C2orf49: variants seen among roughly 807,000 people sequenced by gnomAD.
C2orf49 encodes the protein tRNA splicing ligase complex subunit 2, also known as tRNA-splicing ligase complex subunit ASW.
C2orf49 carries 11 observed loss-of-function variants against 20.6 expected under a neutral mutation model. The observed-to-expected ratio is 0.53, with a 90% CI of 0.34 to 0.88. The LOEUF is 0.88. C2orf49 is among the 40% of genes least tolerant of loss of function. The pLI, the probability that C2orf49 is intolerant of heterozygous loss-of-function variation, is 0.02. For synonymous variants in C2orf49, 134 were observed against 108.5 expected (o/e 1.24, Z -1.46); for missense variants, 289 against 274.2 (o/e 1.05, Z -0.38).
At chr2:105,374,725 C>T in the C2orf49 span, among the ~76,000 whole-genome samples, 2 of 152,190 alleles carry the variant, frequency 1.3e-5, no homozygotes, top group African/African-American at 4.8e-5. Context: ...TTAAAAATGA[C>T]ATACGGCATT....
intron 2 of C2orf49, among the ~76,000 whole-genome samples, chr2:105,341,487 G>A (rs1679668402): frequency 6.6e-6 from 1 of 152,206 alleles, no homozygotes; most frequent in Non-Finnish European, 1.5e-5. Flanking sequence ...GCTAGGACCA[G>A]GTCCATAGCA....
downstream of C2orf49, among the ~76,000 whole-genome samples, chr2:105,349,675 A>G (rs1215537204): frequency 1.3e-5 from 2 of 152,232 alleles, no homozygotes; most frequent in South Asian, 2.1e-4. Flanking sequence ...ACAGTGAACC[A>G]TGAAATAATG....
the C2orf49 span, among the ~76,000 whole-genome samples, chr2:105,373,087 A>G: frequency 2.0e-5 from 3 of 152,110 alleles, no homozygotes; most frequent in Non-Finnish European, 4.4e-5. Context: ...CTAGAACACC[A>G]ACTCTACAAG....
chr2:105,364,343 C>T, the C2orf49 span, among the ~76,000 whole-genome samples: 14 of 152,168 alleles, frequency 9.2e-5, no homozygotes, highest in Non-Finnish European at 7.3e-5. Context: ...CAGCCACTTA[C>T]GGTGAAAGAA....
At chr2:105,351,034 A>C (rs1274820277), downstream of C2orf49, among the ~76,000 whole-genome samples, 1 of 152,062 alleles carries the variant, frequency 6.6e-6, no homozygotes, top group African/African-American at 2.4e-5. Flanking sequence ...CTTGTTTTTG[A>C]TGACAGTTTT....
chr2:105,365,416 A>T, the C2orf49 span, among the ~76,000 whole-genome samples: 1 of 152,260 alleles, frequency 6.6e-6, no homozygotes, highest in African/African-American at 2.4e-5. Flanking sequence ...AAAAGCATGC[A>T]TCCCAGAAGG....
the C2orf49 span, among the ~76,000 whole-genome samples, chr2:105,356,216 C>A: frequency 1.1e-4 from 17 of 152,082 alleles, no homozygotes; most frequent in Non-Finnish European, 1.9e-4. Flanking sequence ...CGTGGTGAAA[C>A]CCTGTCTCTA....
At chr2:105,361,166 A>G in the C2orf49 span, 1 of 1,023,282 alleles carries the variant, frequency 9.8e-7, no homozygotes, top group Non-Finnish European at 1.5e-6. Context: ...ACTGAAAAGC[A>G]CTAGAAGAAA....
chr2:105,372,504 G>T, the C2orf49 span, among the ~76,000 whole-genome samples: 31 of 151,866 alleles, frequency 2.0e-4, no homozygotes, highest in African/African-American at 7.5e-4. Context: ...GGATTACAGG[G>T]GTGAGCCACC....
downstream of C2orf49, among the ~76,000 whole-genome samples, chr2:105,351,901 C>A (rs761244588): frequency 6.6e-6 from 1 of 152,156 alleles, no homozygotes; most frequent in Non-Finnish European, 1.5e-5. Context: ...ATAGATATTT[C>A]TATATGTAAC....
chr2:105,343,332 T>A (rs1679723921), intron 3 of C2orf49, 109 bp downstream of exon 3: 1 of 1,044,000 alleles, frequency 9.6e-7, no homozygotes, highest in Non-Finnish European at 1.4e-6. Flanking sequence ...TCTTGAACCC[T>A]TTTGATGGTC....
rs1573247821 is a variant in C2orf49 at position 105,345,543 on chromosome 2, T to C, written c.*172T>C. 3.2e-6 allele frequency: 2 copies of C among 631,408 alleles called. No individual in the cohort carries two copies. Among genetic ancestry groups the C allele is most frequent in the East Asian group, 5.6e-5 (2 of 35,660 alleles). The allele number at this position is 631,408 out of a possible 1,614,324, so 39.1% of individuals were successfully genotyped here. On this transcript the variant is annotated 3_prime_UTR_variant, in exon 4 of 4. Coordinates refer to ENST00000258457, the MANE Select transcript of C2orf49 (RefSeq NM_024093.3). ...TCCTTCCCTTCTTCCCTCCCTCCCT[T>C]CCTTTTTTAAAATTCTTGCCTGTCT...
At chr2:105,378,163 A>G in the C2orf49 span, 1 of 471,086 alleles carries the variant, frequency 2.1e-6, no homozygotes, top group Non-Finnish European at 4.4e-6. Context: ...CATGGGTCCA[A>G]GGCACTGCAG....
At chr2:105,374,204 A>G in the C2orf49 span, 1 of 214,958 alleles carries the variant, frequency 4.7e-6, no homozygotes. Context: ...AGGAGGCCCA[A>G]GGACTGTTTG....
the C2orf49 span, among the ~76,000 whole-genome samples, chr2:105,370,437 T>G: frequency 6.6e-6 from 1 of 151,628 alleles, no homozygotes; most frequent in Non-Finnish European, 1.5e-5. Context: ...ACAGAATCGC[T>G]ACTTGAGTCT....
chr2:105,370,051 TGAA>T, the C2orf49 span, among the ~76,000 whole-genome samples: 1 of 152,186 alleles, frequency 6.6e-6, no homozygotes, highest in Admixed American at 6.5e-5. Flanking sequence ...AGCGCAGTCT[TGAA>T]GAAGGGATGT....
At chr2:105,337,910 TTATC>T (rs927697483) in intron 1 of C2orf49, among the ~76,000 whole-genome samples, 27 of 152,180 alleles carry the variant, frequency 1.8e-4, no homozygotes, top group Non-Finnish European at 1.0e-4. Context: ...GAAATAGGGC[TTATC>T]TATCTGAGTC....
At chr2:105,378,912 G>A in the C2orf49 span, 2 of 152,224 alleles carry the variant, frequency 1.3e-5, no homozygotes, top group African/African-American at 4.8e-5. Flanking sequence ...GCAGTACAGG[G>A]TGGTGGGCTT....
At chr2:105,383,859 A>G in the C2orf49 span, among the ~76,000 whole-genome samples, 1 of 152,238 alleles carries the variant, frequency 6.6e-6, no homozygotes, top group East Asian at 1.9e-4. Flanking sequence ...CTTCAACTCA[A>G]TGTCTCTTTT....
Sources: allele counts gnomAD v4.1 joint callset (sites outside exome capture counted in the v4.1 genomes callset), GRCh38; gene constraint gnomAD v4.1.1; transcripts MANE v1.5; gene names NCBI Gene and HGNC (gene_info 2026-07-23, HGNC 2026-07-21).